CAMTA1: variants seen among roughly 807,000 people sequenced by gnomAD.
The protein encoded by CAMTA1 is calmodulin binding transcription activator 1.
A neutral mutation model predicts 170.9 loss-of-function variants in CAMTA1; 27 were observed. The observed-to-expected ratio is 0.16, with a 90% CI of 0.12 to 0.22. CAMTA1 has a LOEUF of 0.22. Ranked by LOEUF, CAMTA1 falls within the 10% of genes least tolerant of loss-of-function variation. The pLI, the probability that CAMTA1 is intolerant of heterozygous loss-of-function variation, is 1.00. For missense variants in CAMTA1, 1,619 were observed against 2,217.2 expected (o/e 0.73, Z 5.42); for synonymous variants, 833 against 891.5 (o/e 0.93, Z 1.17).
chr1:7,543,932 G>A (rs989879082), intron 6 of CAMTA1, among the ~76,000 whole-genome samples: 4 of 151,880 alleles, frequency 2.6e-5, no homozygotes, highest in South Asian at 2.1e-4. Context: ...AACCTGTGCC[G>A]TTGTGTTAAA....
intron 16 of CAMTA1, among the ~76,000 whole-genome samples, chr1:7,742,213 T>G (rs896978516): frequency 1.3e-5 from 2 of 151,840 alleles, no homozygotes; most frequent in African/African-American, 4.8e-5. Context: ...CTTGAAACAT[T>G]ACAGCAAATA....
intron 3 of CAMTA1, among the ~76,000 whole-genome samples, chr1:6,895,520 C>T (rs549452660): frequency 2.0e-5 from 3 of 152,350 alleles, no homozygotes; most frequent in South Asian, 4.1e-4. Flanking sequence ...AAATAGGATT[C>T]GTTCACTAGC....
At chr1:7,259,943 G>A (rs1667930633) in intron 5 of CAMTA1, among the ~76,000 whole-genome samples, 1 of 152,160 alleles carries the variant, frequency 6.6e-6, no homozygotes, top group South Asian at 2.1e-4. Context: ...ACCTAGTATT[G>A]AGTACCTTTG....
chr1:7,402,598 C>T (rs1387311419), intron 5 of CAMTA1, among the ~76,000 whole-genome samples: 1 of 152,136 alleles, frequency 6.6e-6, no homozygotes, highest in African/African-American at 2.4e-5. Flanking sequence ...AGTAAAGCCA[C>T]GCTATGCTCA....
chr1:6,826,529 G>A (rs1305199772), intron 3 of CAMTA1, among the ~76,000 whole-genome samples: 1 of 152,128 alleles, frequency 6.6e-6, no homozygotes, highest in African/African-American at 2.4e-5. Context: ...CATTTAATAA[G>A]TCGGAACTTG....
intron 5 of CAMTA1, among the ~76,000 whole-genome samples, chr1:7,384,223 C>A (rs553770745): frequency 2.0e-5 from 3 of 152,338 alleles, no homozygotes; most frequent in African/African-American, 7.2e-5. Flanking sequence ...GCACCACCTG[C>A]AGCACAATTT....
chr1:7,060,921 C>T (rs1305113784), intron 3 of CAMTA1, among the ~76,000 whole-genome samples: 3 of 152,076 alleles, frequency 2.0e-5, no homozygotes, highest in Non-Finnish European at 4.4e-5. Context: ...TTTTTGGAAC[C>T]GACTGGAGCG....
chr1:6,932,442 C>T (rs1423533330), intron 3 of CAMTA1, among the ~76,000 whole-genome samples: 1 of 152,126 alleles, frequency 6.6e-6, no homozygotes, highest in Non-Finnish European at 1.5e-5. Context: ...TGGGTTATTT[C>T]CACTTTTTAC....
At chr1:7,379,864 C>T (rs1000398561) in intron 5 of CAMTA1, among the ~76,000 whole-genome samples, 1 of 152,210 alleles carries the variant, frequency 6.6e-6, no homozygotes, top group Non-Finnish European at 1.5e-5. Flanking sequence ...ATCAGCGAAC[C>T]GACAAAGCCT....
At chr1:7,116,808 T>C (rs6683222) in intron 4 of CAMTA1, among the ~76,000 whole-genome samples, 49,194 of 147,204 alleles carry the variant, frequency 0.33, 8,358 homozygotes, top group South Asian at 0.42. Flanking sequence ...CCACCACGCC[T>C]GGCTAATTTT....
rs140475856 is a variant in CAMTA1, at chr1:7,142,226, G to C, written c.302+50855G>C. ...AAAGAGGGTGTCCCTGAACCTTAAA[G>C]AACCTTCCAGTTTCCAGCAGCCTCT... On this transcript the variant is annotated intron_variant, in intron 4 of 22. Transcript: ENST00000303635. 4 of 492,974 alleles carry C rather than the reference G, an allele frequency of 8.1e-6. No homozygotes were observed. In the East Asian group the frequency reaches 2.5e-4, roughly 31 times the overall value. The allele number at this position is 492,974 out of a possible 1,614,324, so 30.5% of individuals were successfully genotyped here. A position where few individuals can be genotyped will look rare whatever the true frequency, so the allele number is the denominator to read the frequency against.
chr1:7,158,257 A>G (rs1049962703), intron 4 of CAMTA1, among the ~76,000 whole-genome samples: 12 of 152,210 alleles, frequency 7.9e-5, no homozygotes, highest in African/African-American at 2.9e-4. Flanking sequence ...ACAAGAGTAC[A>G]TGTTATATGT....
intron 5 of CAMTA1, among the ~76,000 whole-genome samples, chr1:7,301,172 C>G (rs964287237): frequency 6.6e-6 from 1 of 152,206 alleles, no homozygotes; most frequent in Non-Finnish European, 1.5e-5. Context: ...AGTCACCCGG[C>G]AGTAATTCAT....
At chr1:7,242,460 A>T (rs1013783033) in intron 4 of CAMTA1, among the ~76,000 whole-genome samples, 1 of 152,178 alleles carries the variant, frequency 6.6e-6, no homozygotes, top group Non-Finnish European at 1.5e-5. Context: ...AGTTTTCTCC[A>T]CTTTCAGGTT....
intron 4 of CAMTA1, among the ~76,000 whole-genome samples, chr1:7,103,692 A>G (rs1382907640): frequency 6.6e-6 from 1 of 151,364 alleles, no homozygotes; most frequent in Non-Finnish European, 1.5e-5. Flanking sequence ...CACAACAGAT[A>G]CAACTACACA....
intron 4 of CAMTA1, among the ~76,000 whole-genome samples, chr1:7,138,163 T>G (rs1645650630): frequency 6.6e-6 from 1 of 152,064 alleles, no homozygotes; most frequent in Admixed American, 6.6e-5. Context: ...TTTTTAAAAT[T>G]TTTTGTAGAA....
At position 7,192,027 on chromosome 1, in the gene CAMTA1, G is replaced by A. The variant is rs572160133; in HGVS notation, c.303-57464G>A. ...GATCCTCTTCCATTAGCTTGTTGGG[G>A]GCTGGGACTGGTGGGGGAATAGTGT... On this transcript the variant is annotated intron_variant, in intron 4 of 22. Transcript: ENST00000303635. Among the ~76,000 whole-genome samples the A allele has an allele frequency of 1.0e-4, 15 of 148,444 alleles. No homozygotes were observed. The South Asian group carries it at 3.1e-3, about 31-fold the overall frequency.
At chr1:7,099,365 T>C (rs535890098) in intron 4 of CAMTA1, among the ~76,000 whole-genome samples, 1 of 152,288 alleles carries the variant, frequency 6.6e-6, no homozygotes, top group Non-Finnish European at 1.5e-5. Context: ...CTTCTTTTAT[T>C]TTTATAAAAA....
At chr1:7,345,113 T>G (rs2084132875) in intron 5 of CAMTA1, among the ~76,000 whole-genome samples, 1 of 152,216 alleles carries the variant, frequency 6.6e-6, no homozygotes, top group African/African-American at 2.4e-5. Flanking sequence ...TAAGAATTCT[T>G]TATATTTTCT....
Sources: gnomAD v4.1 joint callset for allele counts (sites outside exome capture counted in the v4.1 genomes callset) on GRCh38, gnomAD v4.1.1 for gene constraint, MANE v1.5 for transcripts, NCBI Gene and HGNC (gene_info 2026-07-23, HGNC 2026-07-21) for gene names.